DIPK2A: variants seen among roughly 807,000 people sequenced by gnomAD.
The protein encoded by DIPK2A is divergent protein kinase domain 2A, also known as Golgi Protein of 49 kDa.
A neutral mutation model predicts 39.0 loss-of-function variants in DIPK2A; 27 were observed. The observed-to-expected ratio is 0.69, with a 90% CI of 0.51 to 0.96. DIPK2A has a LOEUF of 0.96. Ranked by LOEUF, DIPK2A falls within the 40% of genes least tolerant of loss-of-function variation. The pLI, the probability that DIPK2A is intolerant of heterozygous loss-of-function variation, is 0.00. For missense variants in DIPK2A, 528 were observed against 571.3 expected, an observed-to-expected ratio of 0.92 and a Z score of 0.77; for synonymous variants, 298 against 240.8, an observed-to-expected ratio of 1.24 and a Z score of -2.20.
chr3:143,972,549 G>T lies in DIPK2A; in HGVS notation c.217G>T (p.Val73Leu), dbSNP rs747587179. ...WCRRFLNGQV[V>L]FEAWGRLRLL... Reference sequence around the variant, plus strand: ...CCGCCGCTTCCTCAACGGGCAGGTGGTATTCGAGGCGTGGGGCCGCTTGCG... The same window carrying T: ...CCGCCGCTTCCTCAACGGGCAGGTGTTATTCGAGGCGTGGGGCCGCTTGCG... Residue 73 changes from valine to leucine, a missense_variant, in exon 1 of 3, where the codon GTA becomes TTA. Val to Leu is a conservative substitution (Grantham distance 32). Coordinates refer to ENST00000315691, the MANE Select transcript of DIPK2A (RefSeq NM_173552.5). The T allele has an allele frequency of 6.2e-7, 1 of 1,612,398 alleles. No individual in the cohort carries two copies. The highest frequency in any genetic ancestry group is 8.5e-7 in the Non-Finnish European group (1 of 1,179,740).
Position 143,991,635 on chromosome 3 carries a change from A to G in DIPK2A, c.*1794A>G, listed in dbSNP as rs1316513114. Reference sequence around the variant, plus strand: ...TCGGTTAATTTTTACACATTAGTGCATTGCGTATATCAACTGGCCCTCAAT... The same window carrying G: ...TCGGTTAATTTTTACACATTAGTGCGTTGCGTATATCAACTGGCCCTCAAT... On this transcript the variant is annotated 3_prime_UTR_variant, in exon 3 of 3. Transcript: ENST00000315691. 2 of 152,634 alleles carry G rather than the reference A, an allele frequency of 1.3e-5. No individual in the cohort carries two copies. The highest frequency in any genetic ancestry group is 2.4e-5 in the African/African-American group (1 of 41,466). 9.5% of individuals were successfully genotyped at this position (152,634 alleles called of 1,614,324 possible).
intron 1 of DIPK2A, chr3:143,978,657 TATCTATATATAG>T (rs1266621821): frequency 1.1e-4 from 7 of 63,118 alleles, no homozygotes; most frequent in African/African-American, 6.2e-4. Context: ...TATATATATA[TATCTATATATAG>T]ATATATATAT....
chr3:143,974,089 G>A (rs2087696781), intron 1 of DIPK2A, among the ~76,000 whole-genome samples: 1 of 151,062 alleles, frequency 6.6e-6, no homozygotes, highest in Non-Finnish European at 1.5e-5. Flanking sequence ...ATTCTTTCTG[G>A]GTTGCTGTCA....
At position 143,972,744 on chromosome 3, in the gene DIPK2A, C is replaced by A; in HGVS notation, c.412C>A (p.Leu138Met). ...CACCGGCCGGCCCCGCTGCGACCTG[C>A]TGCAGGCCATGCCCCGGACCGAGTT... The part of the protein sequence containing the change: ...RATGRPRCDL[L>M]QAMPRTEFAR... The change falls in exon 1 of 3, where the codon CTG becomes ATG. Residue 138 changes from leucine (L) to methionine (M), a missense_variant. By Grantham distance (15) the Leu-to-Met change is conservative. This residue lies in a region of DIPK2A where 309 missense variants were observed against 289.8 expected (regional missense o/e 1.07). Coordinates refer to ENST00000315691, the MANE Select transcript of DIPK2A (RefSeq NM_173552.5). The A allele has an allele frequency of 1.3e-6, 2 of 1,583,374 alleles. No homozygotes were observed. The highest frequency in any genetic ancestry group is 1.7e-6 in the Non-Finnish European group (2 of 1,167,932).
intron 1 of DIPK2A, among the ~76,000 whole-genome samples, chr3:143,981,229 T>C (rs1341873937): frequency 6.6e-6 from 1 of 152,200 alleles, no homozygotes; most frequent in East Asian, 1.9e-4. Flanking sequence ...GATTTCAGTA[T>C]GTAAGATAAT....
At position 143,989,854 on chromosome 3, in the gene DIPK2A, T is replaced by C; in HGVS notation, c.*13T>C. On this transcript the variant is annotated 3_prime_UTR_variant, in exon 3 of 3. Transcript: ENST00000315691. ...CAACGTGAGGTAGTCTATGGTGAACTTTTCTTTTTTTCTCCATTTAAACAG... is the reference window on the plus strand; with the variant it reads ...CAACGTGAGGTAGTCTATGGTGAACCTTTCTTTTTTTCTCCATTTAAACAG... 6.3e-7 allele frequency: 1 copy of C among 1,586,178 alleles called. No homozygotes were observed. Among genetic ancestry groups the C allele is most frequent in the Non-Finnish European group, 8.6e-7 (1 of 1,159,994 alleles).
intron 1 of DIPK2A, chr3:143,978,631 T>G (rs1221375197): frequency 3.1e-4 from 10 of 32,142 alleles, no homozygotes; most frequent in South Asian, 8.2e-4. Context: ...TCTATATATA[T>G]ATATATATCT....
chr3:143,974,445 G>A (rs1260474602), intron 1 of DIPK2A, among the ~76,000 whole-genome samples: 1 of 152,208 alleles, frequency 6.6e-6, no homozygotes, highest in Non-Finnish European at 1.5e-5. Context: ...TCTTTATTCA[G>A]TAGTTCCCAA....
In DIPK2A at chr3:143,972,782, C is replaced by T. The variant is rs756495448; in HGVS notation, c.450C>T (p.Asn150=). The change falls in exon 1 of 3, where the codon AAC becomes AAT. Residue 150 remains asparagine (N), a synonymous_variant. Transcript: ENST00000315691. ...CCCGGACCGAGTTCGCGCGCCTCAA[C>T]GGCGACGTGCGTCTGCTCACGCCCG... is the stretch of plus-strand genomic sequence containing the variant. The part of the protein sequence containing the change: ...AMPRTEFARL[N]GDVRLLTPEA... 3 of 1,568,678 alleles carry T rather than the reference C, an allele frequency of 1.9e-6. No individual in the cohort carries two copies. Among genetic ancestry groups the T allele is most frequent in the Non-Finnish European group, 2.6e-6 (3 of 1,161,118 alleles).
intron 2 of DIPK2A, among the ~76,000 whole-genome samples, chr3:143,987,391 C>T (rs2087918952): frequency 6.6e-6 from 1 of 152,158 alleles, no homozygotes; most frequent in Admixed American, 6.5e-5. Flanking sequence ...TGTATTCTTC[C>T]ATTTCATACA....
chr3:143,974,132 T>A lies in DIPK2A; in HGVS notation c.657+1143T>A, dbSNP rs960986826. ...CTGGAGGTACAGGGTTTTTTTTTTT[T>A]TTATTTTTCTAAAATGCATGAATAG... is the stretch of plus-strand genomic sequence containing the variant. On this transcript the variant is annotated intron_variant, in intron 1 of 2. Transcript: ENST00000315691. Among the ~76,000 whole-genome samples, 106 of 152,102 alleles carry A rather than the reference T, an allele frequency of 7.0e-4. 1 individual carries two copies. The highest frequency in any genetic ancestry group is 3.4e-3 in the Middle Eastern group (1 of 294).
At position 143,974,379 on chromosome 3, in the gene DIPK2A, G is replaced by A. The variant is rs550403574; in HGVS notation, c.657+1390G>A. ...GTCAGAGTGTGTTTTAAATACTGCT[G>A]TATCACCTAACTGAATGGATGCATA... On this transcript the variant is annotated intron_variant, in intron 1 of 2. Transcript: ENST00000315691. Among the ~76,000 whole-genome samples the A allele has an allele frequency of 5.3e-5, 8 of 152,250 alleles. No individual in the cohort carries two copies. In the South Asian group the frequency reaches 1.5e-3, roughly 28 times the overall value.
chr3:143,983,649 T>A (rs1319754844), intron 1 of DIPK2A, among the ~76,000 whole-genome samples: 5 of 152,026 alleles, frequency 3.3e-5, no homozygotes, highest in Non-Finnish European at 7.4e-5. Context: ...TTAAAAGAAC[T>A]GGAGAAGCAA....
intron 1 of DIPK2A, among the ~76,000 whole-genome samples, chr3:143,980,316 G>T (rs527739254): frequency 6.6e-6 from 1 of 152,094 alleles, no homozygotes; most frequent in Admixed American, 6.6e-5. Context: ...CATCCAGGCC[G>T]GAGTGCAGTG....
At chr3:143,982,627 A>G (rs886530510) in intron 1 of DIPK2A, among the ~76,000 whole-genome samples, 1 of 152,192 alleles carries the variant, frequency 6.6e-6, no homozygotes, top group Non-Finnish European at 1.5e-5. Flanking sequence ...AAAAAACAGT[A>G]CAAGCCATTG....
At position 143,988,167 on chromosome 3, in the gene DIPK2A, C is replaced by T. The variant is rs560612983; in HGVS notation, c.962-1343C>T. 9.2e-5 allele frequency among the ~76,000 whole-genome samples: 14 copies of T among 151,776 alleles called. No homozygotes were observed. In the East Asian group the frequency reaches 1.4e-3, roughly 15 times the overall value. ...AGGCTGGAGTGCAGTGGTGTGATCA[C>T]GGCTCACTGCAGCCTTGACCTCCCT... On this transcript the variant is annotated intron_variant, in intron 2 of 2. Transcript: ENST00000315691.
In DIPK2A at chr3:143,972,455, C is replaced by G. The variant is rs754121061; in HGVS notation, c.123C>G (p.Arg41=). The change falls in exon 1 of 3, where the codon CGC becomes CGG. Residue 41 remains arginine (R), a synonymous_variant. Transcript: ENST00000315691. ...CGTCGCTGCTCGCCTCTTGGCAGCG[C>G]AACGAACTGACCGACCGGCGCTTCC... ...HSPSLLASWQ[R]NELTDRRFLQ... 2 of 1,600,980 alleles carry G rather than the reference C, an allele frequency of 1.2e-6. No homozygotes were observed. Among genetic ancestry groups the G allele is most frequent in the Non-Finnish European group, 8.5e-7 (1 of 1,172,832 alleles).
intron 1 of DIPK2A, 184 bp downstream of exon 1, chr3:143,973,173 C>A: frequency 9.6e-7 from 1 of 1,039,290 alleles, no homozygotes; most frequent in Non-Finnish European, 1.4e-6. Context: ...CCGAGGGCGA[C>A]CCCGCTGATG....
rs1344783900 is a variant in DIPK2A, at chr3:143,972,118, T to A, written c.-215T>A. On this transcript the variant is annotated 5_prime_UTR_variant, in exon 1 of 3. Transcript: ENST00000315691. ...CTAGGAGGAGGGAGCTCGAGAGTTG[T>A]GGAGACTAGTGACTGGGAGAAGTCG... 4 of 407,260 alleles carry A rather than the reference T, an allele frequency of 9.8e-6. No individual in the cohort carries two copies. Among genetic ancestry groups the A allele is most frequent in the African/African-American group, 4.1e-5 (2 of 48,392 alleles). The allele number at this position is 407,260 out of a possible 1,614,324, so 25.2% of individuals were successfully genotyped here. A position where few individuals can be genotyped will look rare whatever the true frequency, so the allele number is the denominator to read the frequency against.
Sources: gnomAD v4.1 joint callset for allele counts (sites outside exome capture counted in the v4.1 genomes callset) on GRCh38, gnomAD v4.1.1 for gene constraint, gnomAD v4.1.1 regional missense constraint, MANE v1.5 for transcripts, NCBI Gene and HGNC (gene_info 2026-07-23, HGNC 2026-07-21) for gene names.